Variants in IQSEC1 observed in about 807,000 individuals in gnomAD.
IQSEC1 encodes the protein IQ motif and Sec7 domain ArfGEF 1, also known as IQ motif and SEC7 domain-containing protein 1.
Under a neutral mutation model 91.0 loss-of-function variants are expected in IQSEC1, and 31 were observed. The observed-to-expected ratio is 0.34, with a 90% CI of 0.26 to 0.46. The LOEUF (loss-of-function observed/expected upper bound fraction) is 0.46. Ranked by LOEUF, IQSEC1 falls within the 20% of genes least tolerant of loss-of-function variation. The pLI is 1.00. For missense variants in IQSEC1, 1,388 were observed against 1,575.6 expected, an observed-to-expected ratio of 0.88 and a Z score of 2.02; for synonymous variants, 699 against 662.6, an observed-to-expected ratio of 1.05 and a Z score of -0.84.
At chr3:13,261,307 G>C (rs1394779585) in intron 1 of IQSEC1, among the ~76,000 whole-genome samples, 1 of 152,176 alleles carries the variant, frequency 6.6e-6, no homozygotes, top group Non-Finnish European at 1.5e-5. Flanking sequence ...GGGACAAAGG[G>C]CAGTGCCCTG....
intron 1 of IQSEC1, among the ~76,000 whole-genome samples, chr3:13,262,238 A>G (rs1695402949): frequency 6.6e-6 from 1 of 152,208 alleles, no homozygotes; most frequent in Non-Finnish European, 1.5e-5. Context: ...TGTGCGCTCA[A>G]CACTTTCCTG....
At chr3:13,097,034 G>T (rs1001543768) in intron 2 of IQSEC1, among the ~76,000 whole-genome samples, 9 of 151,954 alleles carry the variant, frequency 5.9e-5, no homozygotes, top group Non-Finnish European at 1.3e-4. Context: ...CTAATTTTTT[G>T]TATTTTTAGT....
intron 12 of IQSEC1, among the ~76,000 whole-genome samples, chr3:12,906,574 T>G (rs1575852969): frequency 6.6e-6 from 1 of 152,140 alleles, no homozygotes; most frequent in Non-Finnish European, 1.5e-5. Context: ...AGGCCCAGGG[T>G]GGGGTCTCAG....
intron 2 of IQSEC1, 50 bp downstream of exon 2, chr3:12,941,521 A>T: frequency 6.8e-7 from 1 of 1,467,870 alleles, no homozygotes; most frequent in Non-Finnish European, 9.1e-7. Context: ...CATGGTGGGC[A>T]GAGCTGCCCT....
At chr3:13,144,509 C>T (rs1254226336) in intron 2 of IQSEC1, among the ~76,000 whole-genome samples, 1 of 152,242 alleles carries the variant, frequency 6.6e-6, no homozygotes, top group Non-Finnish European at 1.5e-5. Context: ...TCAACAGTCA[C>T]ACTCATGTGA....
Position 12,902,759 on chromosome 3 carries a change from C to T in IQSEC1, c.2805+14G>A, listed in dbSNP as rs756501657. On this transcript the variant is annotated intron_variant, in intron 13 of 13. Transcript: ENST00000613206. ...CACAGGACAGCCAGCTGGACAGAGGCGCTTCCTACTTACTTCCACATTGCT... is the reference window on the plus strand; with the variant it reads ...CACAGGACAGCCAGCTGGACAGAGGTGCTTCCTACTTACTTCCACATTGCT... The T allele has an allele frequency of 1.6e-5, 26 of 1,595,844 alleles. No homozygotes were observed. The highest frequency in any genetic ancestry group is 9.6e-5 in the African/African-American group (7 of 73,158).
chr3:13,259,955 T>C lies in IQSEC1; in HGVS notation c.272+22756A>G, dbSNP rs1260152564. Reference sequence around the variant, plus strand: ...AGATCTGCTTTCAAAATATGACTAATTAGAACAGTCGTGCTGGCAGGCAGA... The same window carrying C: ...AGATCTGCTTTCAAAATATGACTAACTAGAACAGTCGTGCTGGCAGGCAGA... On this transcript the variant is annotated intron_variant, in intron 1 of 15. Coordinates refer to the IQSEC1 transcript ENST00000648114. This position sits in a 1 kb window ranked among gnomAD's most constrained non-coding sequence, Gnocchi z 4.6. Among the ~76,000 whole-genome samples the C allele has an allele frequency of 2.6e-5, 4 of 152,272 alleles. No individual in the cohort carries two copies. The highest frequency in any genetic ancestry group is 1.9e-4 in the East Asian group (1 of 5,200).
At chr3:13,071,153 G>GGTT (rs1553563501) in intron 1 of IQSEC1, among the ~76,000 whole-genome samples, 1 of 90,972 alleles carries the variant, frequency 1.1e-5, no homozygotes, top group South Asian at 3.5e-4. Context: ...GTTTTTTTTT[G>GGTT]TTTTTTTTTT....
chr3:12,902,653 A>C (rs1289621533), intron 13 of IQSEC1, 120 bp downstream of exon 13: 7 of 617,456 alleles, frequency 1.1e-5, no homozygotes, highest in African/African-American at 6.1e-5. Flanking sequence ...CAAAAAAAAA[A>C]ACAACAAAAA....
chr3:13,043,120 C>T (rs1273361694), intron 1 of IQSEC1, among the ~76,000 whole-genome samples: 7 of 152,186 alleles, frequency 4.6e-5, no homozygotes, highest in African/African-American at 7.2e-5. Flanking sequence ...GACAGCCGCT[C>T]ATTGGCTGCC....
At chr3:13,243,780 G>T (rs1355190134) in intron 1 of IQSEC1, among the ~76,000 whole-genome samples, 1 of 152,200 alleles carries the variant, frequency 6.6e-6, no homozygotes, top group Non-Finnish European at 1.5e-5. Context: ...TTCTCTGGGG[G>T]CTGCCTGTAT....
chr3:12,988,010 T>C (rs1441285418), intron 1 of IQSEC1, among the ~76,000 whole-genome samples: 2 of 152,232 alleles, frequency 1.3e-5, no homozygotes, highest in Non-Finnish European at 2.9e-5. Context: ...CCATGTGTGC[T>C]GGGACACAGG....
intron 1 of IQSEC1, among the ~76,000 whole-genome samples, chr3:13,059,596 A>G (rs904891401): frequency 6.6e-6 from 1 of 152,084 alleles, no homozygotes; most frequent in Non-Finnish European, 1.5e-5. Context: ...ACAAAAAAAT[A>G]AAAAAAATTA....
At chr3:13,275,460 G>A (rs573309439) in intron 1 of IQSEC1, among the ~76,000 whole-genome samples, 2 of 152,166 alleles carry the variant, frequency 1.3e-5, no homozygotes, top group Non-Finnish European at 2.9e-5. Context: ...GGCCTCACCT[G>A]GCCCAGTTGC....
At chr3:13,064,013 A>G (rs886277699) in intron 1 of IQSEC1, among the ~76,000 whole-genome samples, 1 of 151,484 alleles carries the variant, frequency 6.6e-6, no homozygotes, top group Admixed American at 6.6e-5. Context: ...AAAAAAAAAA[A>G]AACAAAAAAC....
At chr3:13,072,268 C>G (rs756818242) in intron 1 of IQSEC1, among the ~76,000 whole-genome samples, 24 of 152,252 alleles carry the variant, frequency 1.6e-4, no homozygotes, top group African/African-American at 5.8e-4. Context: ...AAAGGTTGCT[C>G]CTCCTAGAAC....
At chr3:13,159,859 C>G (rs1347157552) in intron 2 of IQSEC1, among the ~76,000 whole-genome samples, 1 of 152,210 alleles carries the variant, frequency 6.6e-6, no homozygotes, top group Non-Finnish European at 1.5e-5. Context: ...CACATTCTCT[C>G]TAGACCCTCC....
chr3:13,027,893 G>A (rs1224290227), intron 1 of IQSEC1, among the ~76,000 whole-genome samples: 1 of 152,166 alleles, frequency 6.6e-6, no homozygotes, highest in African/African-American at 2.4e-5. Flanking sequence ...TTATATGTTT[G>A]CAATAAATTC....
At chr3:13,032,626 C>T (rs1442407778) in intron 1 of IQSEC1, among the ~76,000 whole-genome samples, 1 of 151,824 alleles carries the variant, frequency 6.6e-6, no homozygotes, top group African/African-American at 2.4e-5. Flanking sequence ...CTCTGTCGCC[C>T]AGGCTGGAGT....
Sources: allele counts gnomAD v4.1 joint callset (sites outside exome capture counted in the v4.1 genomes callset), GRCh38; gene constraint gnomAD v4.1.1; non-coding constraint Gnocchi (gnomAD v3.1); transcripts MANE v1.5; gene names NCBI Gene and HGNC (gene_info 2026-07-23, HGNC 2026-07-21).